The following ROR1 variants were observed in gnomAD, a reference collection of about 807,000 sequenced individuals.
The protein encoded by ROR1 is inactive tyrosine-protein kinase transmembrane receptor ROR1.
Under a neutral mutation model 78.8 loss-of-function variants are expected in ROR1, and 19 were observed. That is an observed-to-expected ratio of 0.24 (90% CI 0.17 to 0.35). ROR1 has a LOEUF of 0.35. Among genes scored for constraint, ROR1 ranks in the 10% least tolerant of loss-of-function variants. The probability of loss-of-function intolerance (pLI) is 1.00; values close to 1 mark genes in which losing one functional copy is unlikely to be tolerated. For missense variants in ROR1, 917 were observed against 1,177.8 expected, an observed-to-expected ratio of 0.78 and a Z score of 3.24; for synonymous variants, 386 against 433.6, an observed-to-expected ratio of 0.89 and a Z score of 1.36.
intron 4 of ROR1, among the ~76,000 whole-genome samples, chr1:64,070,368 A>G (rs1646993651): frequency 6.6e-6 from 1 of 152,012 alleles, no homozygotes; most frequent in Non-Finnish European, 1.5e-5. Context: ...TCATTCTGTC[A>G]CCTAGGCTGG....
At chr1:64,108,393 TCTAAAAAAAAAAAA>T (rs2100668704) in intron 4 of ROR1, 2 of 63,248 alleles carry the variant, frequency 3.2e-5, no homozygotes, top group South Asian at 7.7e-4. Context: ...TGAGACTCCA[TCTAAAAAAAAAAAA>T]AAAAAAAAAA....
chr1:63,797,067 T>C (rs1644765736), intron 1 of ROR1, among the ~76,000 whole-genome samples: 1 of 152,320 alleles, frequency 6.6e-6, no homozygotes, highest in African/African-American at 2.4e-5. Context: ...AGGACTCTAG[T>C]TCATTTTTGC....
At chr1:63,828,457 A>G (rs1452801201) in intron 1 of ROR1, among the ~76,000 whole-genome samples, 1 of 152,196 alleles carries the variant, frequency 6.6e-6, no homozygotes, top group Non-Finnish European at 1.5e-5. Flanking sequence ...CTGTTTATAT[A>G]TAGAGGATGA....
chr1:64,107,931 G>T (rs957756855), intron 4 of ROR1, among the ~76,000 whole-genome samples: 2 of 151,888 alleles, frequency 1.3e-5, no homozygotes. Context: ...TCAGAGTTTG[G>T]CTCTGCATTA....
intron 1 of ROR1, among the ~76,000 whole-genome samples, chr1:63,874,946 G>A (rs570341910): frequency 7.9e-5 from 12 of 152,222 alleles, no homozygotes; most frequent in African/African-American, 2.6e-4. Flanking sequence ...ATAGAGTATG[G>A]TGGAGCATTT....
rs192098275 is a variant in ROR1 at position 63,976,472 on chromosome 1, C to A, written c.92-32833C>A. Among the ~76,000 whole-genome samples, 12 of 152,188 alleles carry A rather than the reference C, an allele frequency of 7.9e-5. No homozygotes were observed. In the East Asian group the frequency reaches 2.3e-3, roughly 29 times the overall value. ...AATTCCAATATTGCTCCAGGTAATG[C>A]CAGAGAAACATAATTTGACCTAATG... On this transcript the variant is annotated intron_variant, in intron 1 of 8. Transcript: ENST00000371079.
chr1:63,901,733 C>G (rs533262832), intron 1 of ROR1, among the ~76,000 whole-genome samples: 1 of 152,070 alleles, frequency 6.6e-6, no homozygotes, highest in Admixed American at 6.5e-5. Flanking sequence ...TGGGGTCCAG[C>G]ATAACCTATT....
chr1:63,902,535 G>A (rs984586960), intron 1 of ROR1, among the ~76,000 whole-genome samples: 2 of 151,818 alleles, frequency 1.3e-5, no homozygotes, highest in Admixed American at 6.6e-5. Context: ...AGGATTCCCA[G>A]GCTGGTCTCG....
intron 1 of ROR1, among the ~76,000 whole-genome samples, chr1:63,878,920 T>C (rs1351608170): frequency 6.6e-6 from 1 of 152,192 alleles, no homozygotes; most frequent in African/African-American, 2.4e-5. Flanking sequence ...TTACAGGTCC[T>C]GAGCCTCCAT....
chr1:63,813,388 A>G (rs1330884798), intron 1 of ROR1, among the ~76,000 whole-genome samples: 1 of 152,240 alleles, frequency 6.6e-6, no homozygotes, highest in Non-Finnish European at 1.5e-5. Flanking sequence ...CATAGCAGAC[A>G]TTCAATAAAT....
At chr1:64,009,267 G>T (rs1268675209) in intron 1 of ROR1, 38 bp from the exon 2 acceptor site, 1 of 1,430,750 alleles carries the variant, frequency 7.0e-7, no homozygotes, top group African/African-American at 1.4e-5. Flanking sequence ...ATTTAATATT[G>T]CCCTTGTCTT....
At chr1:64,016,911 G>C (rs1027140419) in intron 2 of ROR1, among the ~76,000 whole-genome samples, 2 of 151,164 alleles carry the variant, frequency 1.3e-5, no homozygotes, top group Non-Finnish European at 2.9e-5. Flanking sequence ...AAAACACATA[G>C]GGATTATTAT....
chr1:63,955,939 G>C (rs910932670), intron 1 of ROR1, among the ~76,000 whole-genome samples: 1 of 152,176 alleles, frequency 6.6e-6, no homozygotes, highest in Non-Finnish European at 1.5e-5. Context: ...CTGCAAAGAT[G>C]TGTCCGTTGA....
At chr1:64,081,871 G>GA (rs1372065913) in intron 4 of ROR1, among the ~76,000 whole-genome samples, 1 of 151,012 alleles carries the variant, frequency 6.6e-6, no homozygotes, top group Non-Finnish European at 1.5e-5. Context: ...AATATGTATA[G>GA]AAAAAAGTCT....
At chr1:64,112,122 C>T (rs2100675076) in intron 4 of ROR1, 1 of 152,194 alleles carries the variant, frequency 6.6e-6, no homozygotes, top group Non-Finnish European at 1.5e-5. Context: ...ATCTGTGGTT[C>T]CTCAATTCAG....
chr1:64,078,890 T>C (rs1365006487), intron 4 of ROR1, among the ~76,000 whole-genome samples: 3 of 152,206 alleles, frequency 2.0e-5, no homozygotes, highest in African/African-American at 7.2e-5. Context: ...GGAGTCATTG[T>C]TGAGTACGAT....
chr1:63,815,330 A>AT (rs1180432797), intron 1 of ROR1, among the ~76,000 whole-genome samples: 1 of 151,670 alleles, frequency 6.6e-6, no homozygotes, highest in East Asian at 1.9e-4. Flanking sequence ...TCAAATATAC[A>AT]TTTTTGGATA....
rs367837839 is a variant in ROR1, at chr1:64,156,787, T to A, written c.1175-2194T>A. On this transcript the variant is annotated intron_variant, in intron 7 of 8. Transcript: ENST00000371079. The stretch of plus-strand genomic sequence containing the variant: ...TCAGTGTTATTCCCTTCCTTTCAGA[T>A]CACCCTCATCCTTCCTACCTCCATG... 4.3e-4 allele frequency among the ~76,000 whole-genome samples: 65 copies of A among 151,036 alleles called. No individual in the cohort carries two copies. The South Asian group carries it at 0.013, about 31-fold the overall frequency.
At chr1:63,827,850 G>T (rs1416533000) in intron 1 of ROR1, among the ~76,000 whole-genome samples, 4 of 152,130 alleles carry the variant, frequency 2.6e-5, no homozygotes, top group Non-Finnish European at 5.9e-5. Context: ...AGTACAGCCA[G>T]GAGCATCTGC....
Sources: allele counts gnomAD v4.1 joint callset (sites outside exome capture counted in the v4.1 genomes callset), GRCh38; gene constraint gnomAD v4.1.1; transcripts MANE v1.5; gene names NCBI Gene and HGNC (gene_info 2026-07-23, HGNC 2026-07-21).